Variants in OSBPL10 observed in about 807,000 individuals in gnomAD.
The protein encoded by OSBPL10 is oxysterol binding protein like 10, also known as oxysterol-binding protein-related protein 10.
Under a neutral mutation model 81.7 loss-of-function variants are expected in OSBPL10, and 49 were observed. The observed-to-expected ratio is 0.60, with a 90% CI of 0.48 to 0.76. The LOEUF (loss-of-function observed/expected upper bound fraction) is 0.76. Ranked by LOEUF, OSBPL10 falls within the 30% of genes least tolerant of loss-of-function variation. The pLI is 0.00. For synonymous variants in OSBPL10, 419 were observed against 383.6 expected (o/e 1.09, Z -1.08); for missense variants, 923 against 987.8 (o/e 0.93, Z 0.88).
At position 31,988,809 on chromosome 3, in the gene OSBPL10, T is replaced by G. The variant is rs931701323; in HGVS notation, n.298+57682A>C. Reference sequence around the variant, plus strand: ...CCTGCTAACAGCCATGTGAGTGACCTTGGAAGTAGGTTGTCACCAGTCAAG... The same window carrying G: ...CCTGCTAACAGCCATGTGAGTGACCGTGGAAGTAGGTTGTCACCAGTCAAG... On this transcript the variant is annotated intron_variant and non_coding_transcript_variant, in intron 2 of 3. Transcript: ENST00000479173. 28 of 503,720 alleles carry G rather than the reference T, an allele frequency of 5.6e-5. No individual in the cohort carries two copies. In the Admixed American group the frequency reaches 9.4e-4, roughly 17 times the overall value. 31.2% of individuals were successfully genotyped at this position (503,720 alleles called of 1,614,324 possible).
chr3:31,909,525 G>A (rs544151870), intron 1 of OSBPL10, among the ~76,000 whole-genome samples: 1 of 152,048 alleles, frequency 6.6e-6, no homozygotes, highest in East Asian at 1.9e-4. Context: ...AGAAAGAAAG[G>A]GGGAGAGAAG....
At chr3:31,797,218 C>G (rs1699249207) in intron 4 of OSBPL10, among the ~76,000 whole-genome samples, 1 of 152,104 alleles carries the variant, frequency 6.6e-6, no homozygotes. Context: ...TGGTCTCGAT[C>G]TCCTGACCTC....
At chr3:31,876,802 C>A (rs1403761877) in intron 2 of OSBPL10, among the ~76,000 whole-genome samples, 1 of 151,906 alleles carries the variant, frequency 6.6e-6, no homozygotes, top group Admixed American at 6.5e-5. Context: ...TGAAAAAAGT[C>A]ATTTCTATAA....
intron 4 of OSBPL10, among the ~76,000 whole-genome samples, chr3:31,807,134 C>A (rs1699539592): frequency 6.6e-6 from 1 of 152,156 alleles, no homozygotes; most frequent in South Asian, 2.1e-4. Context: ...AATCCCAGCA[C>A]TTTGGGAGGC....
chr3:32,012,787 G>T (rs2125540345), intron 2 of OSBPL10, among the ~76,000 whole-genome samples: 1 of 152,250 alleles, frequency 6.6e-6, no homozygotes, highest in South Asian at 2.1e-4. Context: ...GGCAGGGGTT[G>T]CAATCCTAGT....
intron 4 of OSBPL10, among the ~76,000 whole-genome samples, chr3:31,827,531 G>A (rs1017942508): frequency 2.6e-5 from 4 of 152,142 alleles, no homozygotes; most frequent in African/African-American, 9.6e-5. Context: ...AGCTACTCAG[G>A]AGGCTGAGGC....
intron 6 of OSBPL10, among the ~76,000 whole-genome samples, chr3:31,713,482 C>A (rs1191206079): frequency 6.6e-6 from 1 of 151,670 alleles, no homozygotes; most frequent in African/African-American, 2.4e-5. Flanking sequence ...CTGCAACCTT[C>A]CCCTCCCGGG....
intron 6 of OSBPL10, chr3:31,709,043 C>CCT (rs1029316480): frequency 1.0e-6 from 1 of 985,332 alleles, no homozygotes; most frequent in African/African-American, 1.7e-5. Flanking sequence ...ATTTAGGGGA[C>CCT]CTTATCTTGC....
At chr3:31,691,919 C>T (rs1435750726) in intron 7 of OSBPL10, among the ~76,000 whole-genome samples, 1 of 152,068 alleles carries the variant, frequency 6.6e-6, no homozygotes, top group Non-Finnish European at 1.5e-5. Flanking sequence ...AAATAAAGCG[C>T]AGACAATTCA....
intron 4 of OSBPL10, among the ~76,000 whole-genome samples, chr3:31,752,261 C>A (rs1374154455): frequency 6.6e-6 from 1 of 152,148 alleles, no homozygotes; most frequent in African/African-American, 2.4e-5. Context: ...AATACTTCCT[C>A]CAAGGCACAC....
At chr3:31,911,188 A>T (rs1167855653) in intron 1 of OSBPL10, among the ~76,000 whole-genome samples, 2 of 152,186 alleles carry the variant, frequency 1.3e-5, no homozygotes, top group African/African-American at 4.8e-5. Flanking sequence ...AAGGGGAAAA[A>T]GTCAATATTT....
At chr3:31,799,016 A>G (rs754432162) in intron 4 of OSBPL10, among the ~76,000 whole-genome samples, 47 of 152,184 alleles carry the variant, frequency 3.1e-4, no homozygotes, top group Middle Eastern at 6.8e-3. Context: ...TTCACCGCTC[A>G]CCTCCTGCTA....
chr3:31,833,703 A>G (rs947179187), intron 3 of OSBPL10, among the ~76,000 whole-genome samples: 1 of 137,062 alleles, frequency 7.3e-6, no homozygotes, highest in African/African-American at 3.2e-5. Context: ...GCACACGCAC[A>G]CGCACACACA....
At chr3:31,826,437 C>T (rs1228549935) in intron 4 of OSBPL10, among the ~76,000 whole-genome samples, 2 of 152,186 alleles carry the variant, frequency 1.3e-5, no homozygotes, top group Non-Finnish European at 2.9e-5. Flanking sequence ...TTTGGTATCT[C>T]AATTCCTCAT....
chr3:31,785,973 C>A lies in OSBPL10; in HGVS notation c.730-37853G>T, dbSNP rs538622289. Among the ~76,000 whole-genome samples the A allele has an allele frequency of 4.6e-5, 7 of 152,272 alleles. No homozygotes were observed. In the South Asian group the frequency reaches 1.5e-3, roughly 32 times the overall value. On this transcript the variant is annotated intron_variant, in intron 4 of 11. Coordinates refer to ENST00000396556, the MANE Select transcript of OSBPL10 (RefSeq NM_017784.5). ...TGCTCATCACTGTAGGTAAAGGCAA[C>A]TTGCGTAGAAGTTGGAGAGCCCAAA...
chr3:31,702,241 T>C, intron 7 of OSBPL10, 118 bp downstream of exon 7: 1 of 1,257,206 alleles, frequency 8.0e-7, no homozygotes, highest in East Asian at 2.5e-5. Flanking sequence ...TGCTGGCCTT[T>C]TTCCCCACTC....
chr3:32,020,656 G>T (rs1699354061), intron 2 of OSBPL10, among the ~76,000 whole-genome samples: 1 of 151,736 alleles, frequency 6.6e-6, no homozygotes, highest in African/African-American at 2.4e-5. Flanking sequence ...TTAAGGAGAT[G>T]ATTTCATTCA....
Position 31,847,130 on chromosome 3 carries a change from T to TTATC in OSBPL10, c.538-16903_538-16900dup, listed in dbSNP as rs371825516. 4.8e-4 allele frequency among the ~76,000 whole-genome samples: 73 copies of TTATC among 151,910 alleles called. No homozygotes were observed. The East Asian group carries it at 0.013, about 27-fold the overall frequency. On this transcript the variant is annotated intron_variant, in intron 3 of 11. Coordinates refer to ENST00000396556, the MANE Select transcript of OSBPL10 (RefSeq NM_017784.5). ...ATTCTCCCCTTTCTCATTACATCAT[T>TTATC]TATCCACCAGGTGGTTCCCCATCTC...
At chr3:31,760,041 C>T (rs1281044649) in intron 4 of OSBPL10, among the ~76,000 whole-genome samples, 2 of 152,158 alleles carry the variant, frequency 1.3e-5, no homozygotes, top group Admixed American at 1.3e-4. Flanking sequence ...GGATTACAGG[C>T]GTGAGCCACC....
Sources: gnomAD v4.1 joint callset for allele counts (sites outside exome capture counted in the v4.1 genomes callset) on GRCh38, gnomAD v4.1.1 for gene constraint, MANE v1.5 for transcripts, NCBI Gene and HGNC (gene_info 2026-07-23, HGNC 2026-07-21) for gene names.